The following KREMEN1 variants were observed in gnomAD, a reference collection of about 807,000 sequenced individuals.
KREMEN1 encodes the protein kringle containing transmembrane protein 1, also known as kremen protein 1.
In KREMEN1, 30 loss-of-function variants were observed where a neutral mutation model predicts 46.5. The observed-to-expected ratio is 0.65, with a 90% CI of 0.48 to 0.88. KREMEN1 has a LOEUF of 0.88. KREMEN1 is among the 40% of genes least tolerant of loss of function. The pLI is 0.00. For missense variants in KREMEN1, 533 were observed against 596.9 expected (o/e 0.89, Z 1.11); for synonymous variants, 214 against 230.6 (o/e 0.93, Z 0.65).
chr22:29,075,079 C>T (rs1173607002), intron 1 of KREMEN1, among the ~76,000 whole-genome samples: 1 of 152,072 alleles, frequency 6.6e-6, no homozygotes, highest in East Asian at 1.9e-4. Context: ...TGTTGTAAAC[C>T]TGAGGCTCAG....
chr22:29,113,816 G>A (rs1037999060), intron 3 of KREMEN1, among the ~76,000 whole-genome samples: 5 of 152,182 alleles, frequency 3.3e-5, no homozygotes, highest in African/African-American at 1.2e-4. Context: ...AAAGTGAGGA[G>A]CATAATGGCC....
intron 9 of KREMEN1, among the ~76,000 whole-genome samples, chr22:29,160,424 C>T (rs577711538): frequency 6.6e-6 from 1 of 151,358 alleles, no homozygotes; most frequent in Admixed American, 6.6e-5. Context: ...CCTGTAATCC[C>T]AGCTACTCGG....
At chr22:29,164,019 G>T (rs2039033417) in intron 9 of KREMEN1, among the ~76,000 whole-genome samples, 1 of 143,626 alleles carries the variant, frequency 7.0e-6, no homozygotes. Flanking sequence ...GCCTCAAACC[G>T]CTGGGCTCAA....
At chr22:29,115,020 C>T (rs988512365) in intron 3 of KREMEN1, among the ~76,000 whole-genome samples, 1 of 151,372 alleles carries the variant, frequency 6.6e-6, no homozygotes, top group African/African-American at 2.4e-5. Context: ...ACCAACTGTT[C>T]CTAGCTTTAA....
chr22:29,077,589 A>G (rs1387639580), intron 1 of KREMEN1, among the ~76,000 whole-genome samples: 1 of 152,230 alleles, frequency 6.6e-6, no homozygotes, highest in African/African-American at 2.4e-5. Flanking sequence ...TTTTATGTTA[A>G]CAAAATATTG....
At chr22:29,106,875 G>A (rs1020900688) in intron 3 of KREMEN1, among the ~76,000 whole-genome samples, 1 of 152,220 alleles carries the variant, frequency 6.6e-6, no homozygotes, top group Non-Finnish European at 1.5e-5. Flanking sequence ...ACTCAGTGGC[G>A]ACAGAGGGTC....
rs1247569271 is a variant in KREMEN1 at position 29,073,297 on chromosome 22, G to A, written c.97+70G>A. The stretch of plus-strand genomic sequence containing the variant: ...CTCGAGGGGCGACAAGGGCCGGCCG[G>A]CCTGAGAGCCCCCTCCCTCCCGCTT... On this transcript the variant is annotated intron_variant, in intron 1 of 8. Coordinates refer to ENST00000400335, the MANE Select transcript of KREMEN1 (RefSeq NM_001039570.3). The surrounding 1 kb of genome is among the most constrained non-coding windows in gnomAD (Gnocchi z 4.4). 1 of 589,638 alleles carries A rather than the reference G, an allele frequency of 1.7e-6. No homozygotes were observed. The highest frequency in any genetic ancestry group is 2.3e-6 in the Non-Finnish European group (1 of 431,798). The allele number at this position is 589,638 out of a possible 1,614,324, so 36.5% of individuals were successfully genotyped here.
downstream of KREMEN1, among the ~76,000 whole-genome samples, chr22:29,148,039 G>T (rs1271298649): frequency 2.0e-5 from 3 of 152,208 alleles, no homozygotes; most frequent in Non-Finnish European, 4.4e-5. Flanking sequence ...GAATGAGGAG[G>T]TGTCTGGGAT....
At chr22:29,120,084 T>C (rs113296314) in intron 3 of KREMEN1, among the ~76,000 whole-genome samples, 12 of 17,170 alleles carry the variant, frequency 7.0e-4, no homozygotes, top group South Asian at 2.6e-3. Flanking sequence ...ATGAAGGAAA[T>C]GGAGGAGGGA....
intron 6 of KREMEN1, among the ~76,000 whole-genome samples, chr22:29,138,134 G>A (rs553322679): frequency 1.2e-4 from 18 of 152,316 alleles, no homozygotes; most frequent in Admixed American, 2.6e-4. Context: ...CATGTGTGCC[G>A]GGCACATCTC....
intron 9 of KREMEN1, among the ~76,000 whole-genome samples, chr22:29,160,539 C>CAAAAAA (rs132303): frequency 1.2e-3 from 123 of 103,482 alleles, no homozygotes; most frequent in Non-Finnish European, 1.9e-3. Flanking sequence ...GACTCCGTCT[C>CAAAAAA]AAAAAAAAAA....
intron 1 of KREMEN1, among the ~76,000 whole-genome samples, chr22:29,091,220 G>T (rs566663671): frequency 8.5e-5 from 13 of 152,148 alleles, no homozygotes; most frequent in African/African-American, 3.1e-4. Flanking sequence ...TGATCCGCTC[G>T]CCTCGGCCTC....
In KREMEN1 at chr22:29,073,189, C is replaced by T. The variant is rs1333067101; in HGVS notation, c.59C>T (p.Ala20Val). The T allele has an allele frequency of 8.4e-7, 1 of 1,190,274 alleles. No homozygotes were observed. The allele number at this position is 1,190,274 out of a possible 1,614,324, so 73.7% of individuals were successfully genotyped here. A position where few individuals can be genotyped will look rare whatever the true frequency, so the allele number is the denominator to read the frequency against. ...TCCGCCGCGGCGCTCACGCTGGCGG[C>T]CCGGCCCGCGCCTAGCCCCGGCCTC... ...LLSAAALTLAARPAPSPGLGP... is the reference protein window; with the variant it reads ...LLSAAALTLAVRPAPSPGLGP... The change falls in exon 1 of 9, where the codon GCC becomes GTC. Residue 20 changes from alanine to valine, a missense_variant. Transcript: ENST00000400335. The surrounding 1 kb of genome is among the most constrained non-coding windows in gnomAD (Gnocchi z 4.4).
chr22:29,151,096 CTTCTTTACCTA>C, downstream of KREMEN1, among the ~76,000 whole-genome samples: 1 of 152,182 alleles, frequency 6.6e-6, no homozygotes, highest in Non-Finnish European at 1.5e-5. Flanking sequence ...CAAACCTACA[CTTCTTTACCTA>C]TTTGATGACA....
At chr22:29,147,584 C>A (rs992555746), downstream of KREMEN1, among the ~76,000 whole-genome samples, 2 of 152,130 alleles carry the variant, frequency 1.3e-5, no homozygotes, top group Non-Finnish European at 2.9e-5. Flanking sequence ...AAACAGGGAG[C>A]CTTTGAAGGG....
chr22:29,161,904 C>T (rs184205949), intron 9 of KREMEN1, among the ~76,000 whole-genome samples: 291 of 151,974 alleles, frequency 1.9e-3, no homozygotes, highest in Middle Eastern at 3.4e-3. Flanking sequence ...TCACTAGAGG[C>T]CATAAGTTCG....
chr22:29,084,244 C>G (rs551079430), intron 1 of KREMEN1, among the ~76,000 whole-genome samples: 1 of 152,086 alleles, frequency 6.6e-6, no homozygotes, highest in South Asian at 2.1e-4. Flanking sequence ...GCTTCTTTAC[C>G]ACATCCTGTT....
In KREMEN1 at chr22:29,146,050, G is replaced by A. The variant is rs1686504478; in HGVS notation, c.*3938G>A. The stretch of plus-strand genomic sequence containing the variant: ...GCACTTATACGCGGATGGCCTCCGA[G>A]ACCCTGCCTCCCTGGTCTGCTGAGG... On this transcript the variant is annotated 3_prime_UTR_variant, in exon 9 of 9. Transcript: ENST00000400335. 1.0e-6 allele frequency: 1 copy of A among 985,796 alleles called. No homozygotes were observed. 61.1% of individuals were successfully genotyped at this position (985,796 alleles called of 1,614,324 possible).
At chr22:29,093,398 TG>T (rs532018643) in intron 1 of KREMEN1, among the ~76,000 whole-genome samples, 214 of 152,208 alleles carry the variant, frequency 1.4e-3, no homozygotes, top group Non-Finnish European at 2.7e-3. Flanking sequence ...TTTAAAAAAT[TG>T]TTCTTTGTAC....
Sources: gnomAD v4.1 joint callset for allele counts (sites outside exome capture counted in the v4.1 genomes callset) on GRCh38, gnomAD v4.1.1 for gene constraint, Gnocchi (gnomAD v3.1) non-coding constraint, MANE v1.5 for transcripts, NCBI Gene and HGNC (gene_info 2026-07-23, HGNC 2026-07-21) for gene names.